The following BCAS3 variants were observed in gnomAD, a reference collection of about 807,000 sequenced individuals.
BCAS3 encodes BCAS4/BCAS3 fusion.
BCAS3 carries 53 observed loss-of-function variants against 116.1 expected under a neutral mutation model. The ratio of observed to expected loss-of-function variants is 0.46; its 90% CI spans 0.37 to 0.57. BCAS3 has a LOEUF of 0.57. Ranked by LOEUF, BCAS3 falls within the 20% of genes least tolerant of loss-of-function variation. BCAS3 has a pLI of 0.00. For missense variants in BCAS3, 917 were observed against 1,165.4 expected, an observed-to-expected ratio of 0.79 and a Z score of 3.10; for synonymous variants, 391 against 408.2, an observed-to-expected ratio of 0.96 and a Z score of 0.51.
intron 22 of BCAS3, among the ~76,000 whole-genome samples, chr17:61,320,211 A>G (rs1360945660): frequency 6.6e-6 from 1 of 151,520 alleles, no homozygotes; most frequent in Non-Finnish European, 1.5e-5. Flanking sequence ...TTTTCTATGC[A>G]TTTATTATGA....
intron 13 of BCAS3, among the ~76,000 whole-genome samples, chr17:60,940,832 A>G (rs555351869): frequency 6.6e-6 from 1 of 152,336 alleles, no homozygotes; most frequent in African/African-American, 2.4e-5. Flanking sequence ...ACATGTGTGT[A>G]TATGATAAAG....
chr17:61,018,301 T>G (rs1165910069), intron 16 of BCAS3, among the ~76,000 whole-genome samples: 1 of 138,068 alleles, frequency 7.2e-6, no homozygotes, highest in Non-Finnish European at 1.6e-5. Flanking sequence ...TTTTTTTTTT[T>G]TTTTTTTTTT....
At chr17:60,917,142 A>G (rs564037595) in intron 12 of BCAS3, among the ~76,000 whole-genome samples, 1 of 152,380 alleles carries the variant, frequency 6.6e-6, no homozygotes, top group African/African-American at 2.4e-5. Context: ...GTGGATAAAT[A>G]AAATGTGGTA....
In BCAS3 at chr17:61,200,601, G is replaced by C. The variant is rs1285533300; in HGVS notation, c.2425+116037G>C. ...TCCTACTGAAGAGGCATTAGGACTA[G>C]AGCGTATTTCTTTTGATTATCAATG... On this transcript the variant is annotated intron_variant, in intron 22 of 23. Transcript: ENST00000407086. The surrounding 1 kb of genome is among the most constrained non-coding windows in gnomAD (Gnocchi z 5.1). Among the ~76,000 whole-genome samples the C allele has an allele frequency of 6.6e-6, 1 of 152,216 alleles. No individual in the cohort carries two copies. Among genetic ancestry groups the C allele is most frequent in the Non-Finnish European group, 1.5e-5 (1 of 68,044 alleles).
chr17:61,350,476 G>A lies in BCAS3; in HGVS notation c.2426-17851G>A, dbSNP rs138719379. On this transcript the variant is annotated intron_variant, in intron 22 of 23. Transcript: ENST00000407086. ...AATAAATTTTATTGTATGTATTTAA[G>A]GTATGCCCAAAGGGACTTAAATCAT... is the stretch of plus-strand genomic sequence containing the variant. 3.9e-3 allele frequency among the ~76,000 whole-genome samples: 587 copies of A among 151,320 alleles called. 3 individuals carry two copies. Among genetic ancestry groups the A allele is most frequent in the African/African-American group, 0.014 (560 of 41,334 alleles).
rs1411348505 is a variant in BCAS3, at chr17:61,217,573, G to T, written c.2425+133009G>T. Among the ~76,000 whole-genome samples, 1 of 152,036 alleles carries T rather than the reference G, an allele frequency of 6.6e-6. No individual in the cohort carries two copies. Among genetic ancestry groups the T allele is most frequent in the Non-Finnish European group, 1.5e-5 (1 of 68,014 alleles). On this transcript the variant is annotated intron_variant, in intron 22 of 23. Coordinates refer to ENST00000407086, the MANE Select transcript of BCAS3 (RefSeq NM_017679.5). The surrounding 1 kb of genome is among the most constrained non-coding windows in gnomAD (Gnocchi z 5.2). Reference sequence around the variant, plus strand: ...TTTCCCCCACCCACCTCCCCTCATGGTTATTTGGAGCTATTAAAGGAGTGG... The same window carrying T: ...TTTCCCCCACCCACCTCCCCTCATGTTTATTTGGAGCTATTAAAGGAGTGG...
At chr17:61,338,270 A>T (rs1362376195) in intron 22 of BCAS3, among the ~76,000 whole-genome samples, 1 of 152,186 alleles carries the variant, frequency 6.6e-6, no homozygotes, top group Non-Finnish European at 1.5e-5. Flanking sequence ...AGGAGTAGAG[A>T]TTATTGCAGT....
At chr17:60,825,218 T>G (rs1219506041) in intron 7 of BCAS3, among the ~76,000 whole-genome samples, 1 of 152,026 alleles carries the variant, frequency 6.6e-6, no homozygotes. Flanking sequence ...CCTTGCTTGC[T>G]TTTCTCTTTT....
chr17:60,988,758 G>A (rs1421715592), intron 14 of BCAS3, among the ~76,000 whole-genome samples: 4 of 151,340 alleles, frequency 2.6e-5, no homozygotes, highest in African/African-American at 9.7e-5. Flanking sequence ...TTTCATCTCT[G>A]ATTTTATTTG....
intron 6 of BCAS3, among the ~76,000 whole-genome samples, chr17:60,796,950 T>G (rs1598777443): frequency 6.6e-6 from 1 of 152,248 alleles, no homozygotes; most frequent in East Asian, 1.9e-4. Flanking sequence ...CTGTTTCCCA[T>G]GCTGGAGTGC....
At chr17:60,947,183 C>A in intron 13 of BCAS3, 36 bp from the exon 14 acceptor site, 1 of 1,577,932 alleles carries the variant, frequency 6.3e-7, no homozygotes, top group South Asian at 1.1e-5. Flanking sequence ...CATACATAAT[C>A]ATTTTTATTT....
intron 6 of BCAS3, among the ~76,000 whole-genome samples, chr17:60,751,542 CT>C (rs535708879): frequency 0.014 from 279 of 20,070 alleles, 1 homozygote; most frequent in Admixed American, 0.017. Flanking sequence ...TTTTCTTTTT[CT>C]TTTTTTTTTT....
intron 7 of BCAS3, among the ~76,000 whole-genome samples, chr17:60,845,741 G>T: frequency 6.6e-6 from 1 of 150,908 alleles, no homozygotes; most frequent in African/African-American, 2.4e-5. Flanking sequence ...TATTCTCTTG[G>T]TTACATACTC....
rs540858362 is a variant in BCAS3 at position 61,261,312 on chromosome 17, G to A, written c.2426-107015G>A. 6.6e-6 allele frequency among the ~76,000 whole-genome samples: 1 copy of A among 152,280 alleles called. No homozygotes were observed. The highest frequency in any genetic ancestry group is 2.1e-4 in the South Asian group (1 of 4,806). ...AAATCCTGCCTCCCAGTCTTAGCTG[G>A]GCGAGGGACAGTTAAGTAAAAAGAG... On this transcript the variant is annotated intron_variant, in intron 22 of 23. Coordinates refer to ENST00000407086, the MANE Select transcript of BCAS3 (RefSeq NM_017679.5). The surrounding 1 kb of genome is among the most constrained non-coding windows in gnomAD (Gnocchi z 4.4).
intron 6 of BCAS3, among the ~76,000 whole-genome samples, chr17:60,780,050 C>T (rs939808637): frequency 1.1e-4 from 17 of 150,454 alleles, no homozygotes; most frequent in African/African-American, 2.4e-4. Flanking sequence ...AGTGCAGTGG[C>T]GCCATCTCGG....
rs189563902 is a variant in BCAS3 at position 61,337,187 on chromosome 17, A to G, written c.2426-31140A>G. Among the ~76,000 whole-genome samples, 3 of 152,130 alleles carry G rather than the reference A, an allele frequency of 2.0e-5. No homozygotes were observed. The highest frequency in any genetic ancestry group is 2.9e-5 in the Non-Finnish European group (2 of 68,002). ...TTTCTGCCCAGGCTCCCTTTTTTAT[A>G]CTTTATTTAAATCGCCTCACCCGAG... On this transcript the variant is annotated intron_variant, in intron 22 of 23. Transcript: ENST00000407086. This position sits in a 1 kb window ranked among gnomAD's most constrained non-coding sequence, Gnocchi z 4.8.
In BCAS3 at chr17:61,380,263, A is replaced by G. The variant is rs977474738; in HGVS notation, c.2594-11714A>G. ...AGCCCTGTGCAGCAGGCAGGAGTGTAGGAACTCAGGCAGCTGGACTGGGGA... is the reference window on the plus strand; with the variant it reads ...AGCCCTGTGCAGCAGGCAGGAGTGTGGGAACTCAGGCAGCTGGACTGGGGA... On this transcript the variant is annotated intron_variant, in intron 23 of 23. Transcript: ENST00000407086. This position sits in a 1 kb window ranked among gnomAD's most constrained non-coding sequence, Gnocchi z 4.2. 2 of 544,652 alleles carry G rather than the reference A, an allele frequency of 3.7e-6. No homozygotes were observed. Among genetic ancestry groups the G allele is most frequent in the Non-Finnish European group, 6.6e-6 (2 of 302,680 alleles). 33.7% of individuals were successfully genotyped at this position (544,652 alleles called of 1,614,324 possible). A position where few individuals can be genotyped will look rare whatever the true frequency, so the allele number is the denominator to read the frequency against.
intron 5 of BCAS3, among the ~76,000 whole-genome samples, chr17:60,712,631 T>A (rs746286255): frequency 1.3e-5 from 2 of 152,220 alleles, no homozygotes; most frequent in Non-Finnish European, 2.9e-5. Context: ...GCTAAAGATA[T>A]GACATGTGAG....
Position 61,335,252 on chromosome 17 carries a change from G to A in BCAS3, c.2426-33075G>A, listed in dbSNP as rs538092043. ...CAGCAGCGATTCCTTCCCAGGGCTAGGAGGGGGACTTTCCCCTCTGGCCTA... is the reference window on the plus strand; with the variant it reads ...CAGCAGCGATTCCTTCCCAGGGCTAAGAGGGGGACTTTCCCCTCTGGCCTA... On this transcript the variant is annotated intron_variant, in intron 22 of 23. Coordinates refer to ENST00000407086, the MANE Select transcript of BCAS3 (RefSeq NM_017679.5). Among the ~76,000 whole-genome samples the A allele has an allele frequency of 3.3e-5, 5 of 152,338 alleles. No homozygotes were observed. In the East Asian group the frequency reaches 9.7e-4, roughly 29 times the overall value.
Sources: gnomAD v4.1 joint callset for allele counts (sites outside exome capture counted in the v4.1 genomes callset) on GRCh38, gnomAD v4.1.1 for gene constraint, Gnocchi (gnomAD v3.1) non-coding constraint, MANE v1.5 for transcripts, NCBI Gene and HGNC (gene_info 2026-07-23, HGNC 2026-07-21) for gene names.